The following LINGO2 variants were observed in gnomAD, a reference collection of about 807,000 sequenced individuals.
The protein encoded by LINGO2 is leucine rich repeat and Ig domain containing 2.
Under a neutral mutation model 30.6 loss-of-function variants are expected in LINGO2, and 14 were observed. The ratio of observed to expected loss-of-function variants is 0.46; its 90% confidence interval spans 0.30 to 0.72. LINGO2 has a LOEUF of 0.72. Ranked by LOEUF, LINGO2 falls within the 30% of genes least tolerant of loss-of-function variation. The probability of loss-of-function intolerance (pLI) is 0.07; values close to 1 mark genes in which losing one functional copy is unlikely to be tolerated. For missense variants in LINGO2, 729 were observed against 751.7 expected (o/e 0.97, Z 0.35); for synonymous variants, 317 against 288.5 (o/e 1.10, Z -1.00).
chr9:28,476,689 C>G (rs753183440), intron 1 of LINGO2, among the ~76,000 whole-genome samples: 1 of 151,906 alleles, frequency 6.6e-6, no homozygotes, highest in Non-Finnish European at 1.5e-5. Flanking sequence ...TTTGTTATAA[C>G]GTAATGAAGA....
chr9:28,031,446 G>A (rs1823666499), intron 4 of LINGO2, among the ~76,000 whole-genome samples: 1 of 151,118 alleles, frequency 6.6e-6, no homozygotes, highest in Non-Finnish European at 1.5e-5. Context: ...TTACATTGTG[G>A]AATGATTAAA....
At chr9:28,927,356 C>T in the LINGO2 span, among the ~76,000 whole-genome samples, 1 of 152,174 alleles carries the variant, frequency 6.6e-6, no homozygotes, top group Non-Finnish European at 1.5e-5. Context: ...ACCAAAGACT[C>T]TCCCAATGAG....
chr9:28,187,871 T>A (rs966934586), intron 4 of LINGO2, among the ~76,000 whole-genome samples: 6 of 152,118 alleles, frequency 3.9e-5, no homozygotes, highest in South Asian at 2.1e-4. Flanking sequence ...TACTATGAGT[T>A]GAATATAATT....
chr9:28,855,570 G>T, the LINGO2 span, among the ~76,000 whole-genome samples: 1 of 151,802 alleles, frequency 6.6e-6, no homozygotes, highest in Non-Finnish European at 1.5e-5. Context: ...ATACATTTTA[G>T]CTATTCAAAT....
chr9:28,224,255 G>A (rs563149848), intron 4 of LINGO2, among the ~76,000 whole-genome samples: 1 of 152,178 alleles, frequency 6.6e-6, no homozygotes, highest in East Asian at 1.9e-4. Flanking sequence ...TAGTAGAGAC[G>A]GGGTTTCACC....
chr9:28,177,508 C>T (rs1419618601), intron 4 of LINGO2, among the ~76,000 whole-genome samples: 1 of 152,096 alleles, frequency 6.6e-6, no homozygotes, highest in African/African-American at 2.4e-5. Context: ...TCTCTGATCC[C>T]CATTATGTTC....
At chr9:29,123,272 A>G in the LINGO2 span, among the ~76,000 whole-genome samples, 7 of 152,242 alleles carry the variant, frequency 4.6e-5, no homozygotes, top group South Asian at 4.1e-4. Context: ...TCCCAGCAAG[A>G]TAAGTATTAC....
intron 2 of LINGO2, among the ~76,000 whole-genome samples, chr9:28,472,948 A>C (rs1329396789): frequency 1.3e-5 from 2 of 152,188 alleles, no homozygotes; most frequent in East Asian, 3.8e-4. Flanking sequence ...CATTCAATGC[A>C]TACACAAGGA....
chr9:28,924,950 T>C, the LINGO2 span, among the ~76,000 whole-genome samples: 1 of 152,322 alleles, frequency 6.6e-6, no homozygotes, highest in East Asian at 1.9e-4. Flanking sequence ...TTGCCTGGTA[T>C]GTCTTTCTTC....
intron 4 of LINGO2, among the ~76,000 whole-genome samples, chr9:28,069,085 G>T (rs10968324): frequency 0.081 from 12,350 of 152,158 alleles, 694 homozygotes; most frequent in Middle Eastern, 0.16. Flanking sequence ...AAATGCTATA[G>T]GATTTCAAAG....
chr9:28,571,996 C>A (rs536556497), intron 1 of LINGO2, among the ~76,000 whole-genome samples: 1 of 152,036 alleles, frequency 6.6e-6, no homozygotes, highest in South Asian at 2.1e-4. Context: ...TTGCCATAAC[C>A]ACAGTGGTCC....
the LINGO2 span, among the ~76,000 whole-genome samples, chr9:28,704,195 T>TAATTTCACGGGTTATA: frequency 6.6e-6 from 1 of 151,676 alleles, no homozygotes; most frequent in Admixed American, 6.6e-5. Flanking sequence ...TTTTGAAGGG[T>TAATTTCACGGGTTATA]GAATTCTAGG....
At chr9:29,125,073 T>C in the LINGO2 span, among the ~76,000 whole-genome samples, 1 of 152,146 alleles carries the variant, frequency 6.6e-6, no homozygotes, top group Admixed American at 6.5e-5. Context: ...TGGAATGCTA[T>C]GCAGCCATAA....
At chr9:28,013,274 C>T (rs1822650515) in intron 4 of LINGO2, among the ~76,000 whole-genome samples, 1 of 152,112 alleles carries the variant, frequency 6.6e-6, no homozygotes, top group South Asian at 2.1e-4. Context: ...TTAAATTCTT[C>T]ACTCTTATTC....
the LINGO2 span, among the ~76,000 whole-genome samples, chr9:28,766,815 AGAGAGAGAGAGAG>A: frequency 4.5e-5 from 1 of 22,278 alleles, no homozygotes; most frequent in African/African-American, 2.7e-4. Context: ...GGAAGGAGAG[AGAGAGAGAGAGAG>A]AAGGAGAGAA....
At chr9:29,199,249 A>T in the LINGO2 span, among the ~76,000 whole-genome samples, 2 of 152,120 alleles carry the variant, frequency 1.3e-5, no homozygotes, top group Non-Finnish European at 2.9e-5. Flanking sequence ...CAAAACTTCA[A>T]AACTCATTAA....
At position 27,956,437 on chromosome 9, in the gene LINGO2, A is replaced by G. The variant is rs138850826; in HGVS notation, c.-35-5731T>C. Among the ~76,000 whole-genome samples, 834 of 152,318 alleles carry G rather than the reference A, an allele frequency of 5.5e-3. 1 individual carries two copies. Among genetic ancestry groups the G allele is most frequent in the Non-Finnish European group, 9.5e-3 (645 of 68,024 alleles). ...ATTGAGATATAAATGTTATGTATAT[A>G]TTCTAAATACAAGTTCTTTATTAGA... On this transcript the variant is annotated intron_variant, in intron 5 of 5. Transcript: ENST00000379992.
intron 4 of LINGO2, among the ~76,000 whole-genome samples, chr9:28,246,210 A>T (rs992654137): frequency 1.3e-5 from 2 of 152,000 alleles, no homozygotes; most frequent in Admixed American, 6.6e-5. Flanking sequence ...TGGATCATGA[A>T]GTCAGGAGTT....
rs140415136 is a variant in LINGO2, at chr9:28,603,741, C to T, written c.-365+66459G>A. Reference sequence around the variant, plus strand: ...TCCTTACTTGCTGCAAATATGCTGGCGATTTTGGATCAGACAATCCAGGAC... The same window carrying T: ...TCCTTACTTGCTGCAAATATGCTGGTGATTTTGGATCAGACAATCCAGGAC... On this transcript the variant is annotated intron_variant, in intron 1 of 5. Transcript: ENST00000379992. Among the ~76,000 whole-genome samples, 53 of 152,020 alleles carry T rather than the reference C, an allele frequency of 3.5e-4. No individual in the cohort carries two copies. In the East Asian group the frequency reaches 9.9e-3, roughly 28 times the overall value.
Sources: allele counts gnomAD v4.1 joint callset (sites outside exome capture counted in the v4.1 genomes callset), GRCh38; gene constraint gnomAD v4.1.1; transcripts MANE v1.5; gene names NCBI Gene and HGNC (gene_info 2026-07-23, HGNC 2026-07-21).